PLPP7: variants seen among roughly 807,000 people sequenced by gnomAD.
The protein encoded by PLPP7 is phospholipid phosphatase 7 (inactive).
PLPP7 carries 11 observed loss-of-function variants against 16.9 expected under a neutral mutation model. The observed-to-expected ratio is 0.65, with a 90% confidence interval of 0.41 to 1.08. PLPP7 has a LOEUF of 1.08. PLPP7 is among the 50% of genes least tolerant of loss of function. PLPP7 has a pLI of 0.00. For synonymous variants in PLPP7, 174 were observed against 175.1 expected (o/e 0.99, Z 0.05); for missense variants, 358 against 397.1 (o/e 0.90, Z 0.84).
chr9:131,290,240 C>T lies in PLPP7; in HGVS notation c.243C>T (p.Ala81=). 1 of 1,611,156 alleles carries T rather than the reference C, an allele frequency of 6.2e-7. No individual in the cohort carries two copies. The highest frequency in any genetic ancestry group is 1.1e-5 in the South Asian group (1 of 90,592). Residue 81 remains alanine, a synonymous_variant, in exon 1 of 2, where the codon GCC becomes GCT. Coordinates refer to ENST00000372264, the MANE Select transcript of PLPP7 (RefSeq NM_032728.4). This position sits in a 1 kb window ranked among gnomAD's most constrained non-coding sequence, Gnocchi z 4.2. The stretch of plus-strand genomic sequence containing the variant: ...TGAACCCCTCCTTCAAGGGCATCGC[C>T]TTCAACTCCCTGCTGGCCATCGATA... ...MQLNPSFKGI[A]FNSLLAIDIC...
chr9:131,307,967 A>G lies in PLPP7; in HGVS notation c.496A>G (p.Ile166Val), dbSNP rs768786082. 1.4e-5 allele frequency: 23 copies of G among 1,598,296 alleles called. No individual in the cohort carries two copies. Among genetic ancestry groups the G allele is most frequent in the Non-Finnish European group, 6.8e-6 (8 of 1,178,724 alleles). The change falls in exon 2 of 2, where the codon ATC becomes GTC. Residue 166 changes from isoleucine to valine, a missense_variant. Transcript: ENST00000372264. ...GACGGTGGCCGGCGTGCAGAAGCTCATCAAGCGGCGCGGCCCGTACGAGAC... is the reference window on the plus strand; with the variant it reads ...GACGGTGGCCGGCGTGCAGAAGCTCGTCAAGCGGCGCGGCCCGTACGAGAC... ...IMTVAGVQKL[I>V]KRRGPYETSP...
At chr9:131,300,690 A>G (rs1186127231) in intron 1 of PLPP7, among the ~76,000 whole-genome samples, 2 of 125,560 alleles carry the variant, frequency 1.6e-5, no homozygotes, top group Non-Finnish European at 3.4e-5. Flanking sequence ...TCAAAAGCAG[A>G]AAAAAAAAAA....
At chr9:131,291,550 C>A in intron 1 of PLPP7, 289 of 208,656 alleles carry the variant, frequency 1.4e-3, no homozygotes, top group Non-Finnish European at 2.2e-3. Context: ...TCGAGGTTTT[C>A]TTGTTCCTTT....
intron 1 of PLPP7, chr9:131,291,298 G>A (rs1835675125): frequency 1.6e-6 from 2 of 1,232,294 alleles, no homozygotes; most frequent in Admixed American, 2.7e-5. Flanking sequence ...TCCCGGTGTG[G>A]CCATCATTTG....
chr9:131,290,196 G>A lies in PLPP7; in HGVS notation c.199G>A (p.Glu67Lys), dbSNP rs772544361. Reference protein sequence around the residue: ...RERRQSQQLPEEDCMQLNPSF... With the variant: ...RERRQSQQLPKEDCMQLNPSF... ...GCGACGCCAGTCACAGCAGCTGCCA[G>A]AGGAGGACTGCATGCAGCTGAACCC... Residue 67 changes from glutamate to lysine, a missense_variant, in exon 1 of 2, where the codon GAG becomes AAG. Coordinates refer to ENST00000372264, the MANE Select transcript of PLPP7 (RefSeq NM_032728.4). The surrounding 1 kb of genome is among the most constrained non-coding windows in gnomAD (Gnocchi z 4.2). The A allele has an allele frequency of 6.3e-7, 1 of 1,597,644 alleles. No homozygotes were observed. Among genetic ancestry groups the A allele is most frequent in the Admixed American group, 1.7e-5 (1 of 58,972 alleles).
intron 1 of PLPP7, among the ~76,000 whole-genome samples, chr9:131,302,683 G>GTACC (rs1188424970): frequency 6.6e-6 from 1 of 152,222 alleles, no homozygotes; most frequent in Non-Finnish European, 1.5e-5. Flanking sequence ...GCTCCTCTGT[G>GTACC]TACCTGCTCA....
intron 1 of PLPP7, among the ~76,000 whole-genome samples, chr9:131,296,761 C>G (rs534034221): frequency 1.4e-4 from 21 of 152,244 alleles, no homozygotes; most frequent in Non-Finnish European, 2.5e-4. Flanking sequence ...ACAGCTGTGG[C>G]CCTCCCACCT....
chr9:131,298,805 G>A (rs981669962), intron 1 of PLPP7, among the ~76,000 whole-genome samples: 7 of 152,330 alleles, frequency 4.6e-5, no homozygotes, highest in South Asian at 2.1e-4. Flanking sequence ...CAACCCCGAG[G>A]GACCTGGGCT....
intron 1 of PLPP7, among the ~76,000 whole-genome samples, chr9:131,294,047 C>T (rs1480070083): frequency 6.6e-6 from 1 of 152,164 alleles, no homozygotes; most frequent in Non-Finnish European, 1.5e-5. Context: ...AAGGGTCCTG[C>T]TGGGCCTGGG....
intron 1 of PLPP7, among the ~76,000 whole-genome samples, chr9:131,291,642 A>G (rs909587124): frequency 2.0e-5 from 3 of 147,884 alleles, no homozygotes; most frequent in Non-Finnish European, 4.4e-5. Flanking sequence ...TTGGCTCACT[A>G]CAACCTTCAG....
At chr9:131,291,819 T>C (rs1404698560) in intron 1 of PLPP7, among the ~76,000 whole-genome samples, 1 of 152,178 alleles carries the variant, frequency 6.6e-6, no homozygotes, top group African/African-American at 2.4e-5. Context: ...TGACCTCAGG[T>C]GATCCACCCG....
chr9:131,308,344 A>G lies in PLPP7; in HGVS notation c.*57A>G. The G allele has an allele frequency of 6.6e-7, 1 of 1,509,518 alleles. No homozygotes were observed. The highest frequency in any genetic ancestry group is 8.8e-7 in the Non-Finnish European group (1 of 1,132,366). 93.5% of individuals were successfully genotyped at this position (1,509,518 alleles called of 1,614,324 possible). A position where few individuals can be genotyped will look rare whatever the true frequency, so the allele number is the denominator to read the frequency against. On this transcript the variant is annotated 3_prime_UTR_variant, in exon 2 of 2. Transcript: ENST00000372264. ...GCAGGGCTGGCCCTAGAGAAGGGGC[A>G]GGGGGTGGCGAGGTGGCGGGCGTGG...
chr9:131,308,294 C>A lies in PLPP7; in HGVS notation c.*7C>A. The A allele has an allele frequency of 6.3e-7, 1 of 1,577,082 alleles. No homozygotes were observed. The highest frequency in any genetic ancestry group is 8.6e-7 in the Non-Finnish European group (1 of 1,168,984). ...GCTCATCTCTGCCTGGTGAAGCGCC[C>A]GCCGGCCCACACAAGCCTCTGGGGG... On this transcript the variant is annotated 3_prime_UTR_variant, in exon 2 of 2. Coordinates refer to ENST00000372264, the MANE Select transcript of PLPP7 (RefSeq NM_032728.4).
In PLPP7 at chr9:131,290,577, C is replaced by T; in HGVS notation, c.451+129C>T. The T allele has an allele frequency of 1.1e-6, 1 of 874,344 alleles. No homozygotes were observed. The highest frequency in any genetic ancestry group is 2.5e-5 in the South Asian group (1 of 40,506). The allele number at this position is 874,344 out of a possible 1,614,324, so 54.2% of individuals were successfully genotyped here. ...GCTGGGATGGTCTAATGAGGTTAGG[C>T]AGGAAGGGTGCCCCAGAAACAGGCA... On this transcript the variant is annotated intron_variant, in intron 1 of 1. Transcript: ENST00000372264. This position sits in a 1 kb window ranked among gnomAD's most constrained non-coding sequence, Gnocchi z 4.2.
Position 131,308,452 on chromosome 9 carries a change from C to A in PLPP7, c.*165C>A. The A allele has an allele frequency of 6.0e-6, 7 of 1,160,208 alleles. No homozygotes were observed. Among genetic ancestry groups the A allele is most frequent in the Non-Finnish European group, 8.2e-6 (7 of 849,890 alleles). The allele number at this position is 1,160,208 out of a possible 1,614,324, so 71.9% of individuals were successfully genotyped here. A position where few individuals can be genotyped will look rare whatever the true frequency, so the allele number is the denominator to read the frequency against. ...GCTGGAGGCTGGCGAACCCAGGCCA[C>A]CCCTCCCGGAGACAAGCGTGTTTGG... On this transcript the variant is annotated 3_prime_UTR_variant, in exon 2 of 2. Transcript: ENST00000372264.
In PLPP7 at chr9:131,290,095, C is replaced by T. The variant is rs749113553; in HGVS notation, c.98C>T (p.Pro33Leu). ...LSLNQPPKGGPEPRSSGRKAS... is the reference protein window; with the variant it reads ...LSLNQPPKGGLEPRSSGRKAS... ...CTGAACCAGCCCCCCAAGGGGGGCC[C>T]GGAGCCCCGCAGCTCGGGCAGAAAG... Residue 33 changes from proline (P) to leucine (L), a missense_variant, in exon 1 of 2, where the codon CCG becomes CTG. Coordinates refer to ENST00000372264, the MANE Select transcript of PLPP7 (RefSeq NM_032728.4). This position sits in a 1 kb window ranked among gnomAD's most constrained non-coding sequence, Gnocchi z 4.2. 30 of 1,517,244 alleles carry T rather than the reference C, an allele frequency of 2.0e-5. 1 individual carries two copies. The South Asian group carries it at 3.3e-4, about 16-fold the overall frequency. 94.0% of individuals were successfully genotyped at this position (1,517,244 alleles called of 1,614,324 possible).
chr9:131,292,097 G>A (rs762669271), intron 1 of PLPP7, among the ~76,000 whole-genome samples: 7 of 152,210 alleles, frequency 4.6e-5, no homozygotes, highest in Non-Finnish European at 1.0e-4. Flanking sequence ...CAGGTGCTGT[G>A]CCATGGGCGT....
chr9:131,291,229 C>T, intron 1 of PLPP7: 1 of 1,348,294 alleles, frequency 7.4e-7, no homozygotes, highest in Non-Finnish European at 9.9e-7. Context: ...ACCAGGTCCC[C>T]AAGGTGCCCC....
At chr9:131,291,465 A>C (rs28599596) in intron 1 of PLPP7, 1 of 1,057,742 alleles carries the variant, frequency 9.5e-7, no homozygotes, top group Non-Finnish European at 1.2e-6. Flanking sequence ...TGGAGGCTCT[A>C]TGCTCTCTGG....
Sources: allele counts gnomAD v4.1 joint callset (sites outside exome capture counted in the v4.1 genomes callset), GRCh38; gene constraint gnomAD v4.1.1; non-coding constraint Gnocchi (gnomAD v3.1); transcripts MANE v1.5; gene names NCBI Gene and HGNC (gene_info 2026-07-23, HGNC 2026-07-21).